CACNA1A: variants seen among roughly 807,000 people sequenced by gnomAD.
CACNA1A encodes calcium voltage-gated channel subunit alpha1 A.
In CACNA1A, 57 loss-of-function variants were observed where a neutral mutation model predicts 262.4. The ratio of observed to expected loss-of-function variants is 0.22; its 90% CI spans 0.18 to 0.27. The LOEUF (loss-of-function observed/expected upper bound fraction) is 0.27, where lower values mean the gene tolerates loss of function less well. Ranked by LOEUF, CACNA1A falls within the 10% of genes least tolerant of loss-of-function variation. CACNA1A has a pLI of 1.00. For synonymous variants in CACNA1A, 1,431 were observed against 1,419.3 expected (o/e 1.01, Z -0.18); for missense variants, 2,526 against 3,562.8 (o/e 0.71, Z 7.41).
intron 22 of CACNA1A, among the ~76,000 whole-genome samples, chr19:13,282,076 T>C (rs772249991): frequency 2.0e-5 from 3 of 152,224 alleles, no homozygotes; most frequent in African/African-American, 4.8e-5. Flanking sequence ...CTAAGCGGAC[T>C]GTGAGGAGGC....
intron 3 of CACNA1A, among the ~76,000 whole-genome samples, chr19:13,436,058 C>G (rs1268741918): frequency 6.6e-6 from 1 of 152,182 alleles, no homozygotes; most frequent in Non-Finnish European, 1.5e-5. Context: ...CTCCTGACCT[C>G]AAGTGATTCA....
intron 6 of CACNA1A, among the ~76,000 whole-genome samples, chr19:13,352,386 AGAGT>A (rs1262805971): frequency 6.7e-6 from 1 of 148,166 alleles, no homozygotes; most frequent in Non-Finnish European, 1.5e-5. Flanking sequence ...CCTGGGCAAC[AGAGT>A]GAGACTCCAT....
At chr19:13,486,811 C>T (rs896415337) in intron 1 of CACNA1A, among the ~76,000 whole-genome samples, 3 of 151,928 alleles carry the variant, frequency 2.0e-5, no homozygotes, top group East Asian at 1.9e-4. Flanking sequence ...CTTCTCTCCC[C>T]TTCCATCTCT....
intron 34 of CACNA1A, among the ~76,000 whole-genome samples, chr19:13,234,031 CAG>C (rs1372395671): frequency 8.1e-6 from 1 of 123,250 alleles, no homozygotes; most frequent in Non-Finnish European, 1.6e-5. Context: ...GCCTGGGCAA[CAG>C]AGAGAGACTC....
At chr19:13,302,487 G>A (rs751933462) in intron 17 of CACNA1A, among the ~76,000 whole-genome samples, 2 of 152,168 alleles carry the variant, frequency 1.3e-5, no homozygotes, top group African/African-American at 4.8e-5. Context: ...GTTTCCATGA[G>A]GACTGAATAG....
intron 24 of CACNA1A, 162 bp from the exon 25 acceptor site, chr19:13,262,995 C>A: frequency 3.2e-6 from 2 of 628,704 alleles, no homozygotes; most frequent in Non-Finnish European, 5.8e-6. Flanking sequence ...TGGTCCATTT[C>A]ACCTGTTAAG....
chr19:13,447,519 T>C (rs527400848), intron 3 of CACNA1A, among the ~76,000 whole-genome samples: 29 of 152,314 alleles, frequency 1.9e-4, no homozygotes, highest in African/African-American at 7.0e-4. Context: ...GATAGATGTA[T>C]ATATGAAAGG....
At chr19:13,503,627 A>T (rs1982651019) in intron 1 of CACNA1A, among the ~76,000 whole-genome samples, 6 of 132,896 alleles carry the variant, frequency 4.5e-5, no homozygotes, top group East Asian at 2.5e-4. Context: ...CTCATCTCCA[A>T]CCCTCCCACC....
chr19:13,481,760 G>A (rs1979347532), intron 1 of CACNA1A, among the ~76,000 whole-genome samples: 1 of 151,914 alleles, frequency 6.6e-6, no homozygotes, highest in Non-Finnish European at 1.5e-5. Context: ...CTGCCCCTGG[G>A]ACCCAAGTCC....
At chr19:13,273,615 T>C (rs1374936041) in intron 24 of CACNA1A, 2 of 152,090 alleles carry the variant, frequency 1.3e-5, no homozygotes, top group Non-Finnish European at 2.9e-5. Context: ...ATTAATTATT[T>C]ATTTATTTAC....
intron 30 of CACNA1A, among the ~76,000 whole-genome samples, chr19:13,250,460 G>GCA (rs2056367133): frequency 1.3e-5 from 2 of 150,442 alleles, no homozygotes; most frequent in African/African-American, 4.9e-5. Flanking sequence ...GCAGTGGCAA[G>GCA]ATCTCGGCTC....
At chr19:13,334,683 G>T (rs528662542) in intron 7 of CACNA1A, among the ~76,000 whole-genome samples, 190 bp from the exon 8 acceptor site, 28 of 151,710 alleles carry the variant, frequency 1.8e-4, no homozygotes, top group African/African-American at 6.8e-4. Flanking sequence ...AAAAGACTGG[G>T]ATATTATAGT....
intron 10 of CACNA1A, among the ~76,000 whole-genome samples, chr19:13,322,833 A>G (rs1356078504): frequency 1.3e-5 from 2 of 152,144 alleles, no homozygotes; most frequent in African/African-American, 4.8e-5. Context: ...TAAAGACAGC[A>G]GTCATTGGAT....
intron 38 of CACNA1A, among the ~76,000 whole-genome samples, chr19:13,215,886 C>T (rs1255534625): frequency 6.6e-6 from 1 of 151,984 alleles, no homozygotes; most frequent in Non-Finnish European, 1.5e-5. Context: ...GCTGGGACGC[C>T]CTGGAGCATC....
At chr19:13,279,084 T>C (rs1037764530) in intron 22 of CACNA1A, among the ~76,000 whole-genome samples, 1 of 152,006 alleles carries the variant, frequency 6.6e-6, no homozygotes, top group African/African-American at 2.4e-5. Context: ...TGGCACATAG[T>C]AGTTGCTTAT....
At chr19:13,259,908 G>A (rs2056684706) in intron 26 of CACNA1A, 3 of 563,438 alleles carry the variant, frequency 5.3e-6, no homozygotes, top group Non-Finnish European at 9.6e-6. Context: ...AAATCCATGG[G>A]TGATGGCACA....
intron 7 of CACNA1A, 25 bp from the exon 8 acceptor site, chr19:13,334,518 G>C: frequency 7.9e-7 from 1 of 1,258,126 alleles, no homozygotes; most frequent in Non-Finnish European, 1.2e-6. Flanking sequence ...AAAAGCCAGA[G>C]TATGGCTGTT....
At chr19:13,471,884 C>G (rs1370059996) in intron 1 of CACNA1A, among the ~76,000 whole-genome samples, 1 of 152,152 alleles carries the variant, frequency 6.6e-6, no homozygotes, top group East Asian at 1.9e-4. Context: ...GGAGGTTGTA[C>G]AATATTGTGA....
chr19:13,435,889 G>A (rs2060604175), intron 3 of CACNA1A, among the ~76,000 whole-genome samples: 1 of 152,024 alleles, frequency 6.6e-6, no homozygotes, highest in African/African-American at 2.4e-5. Context: ...CAGTGGCGCA[G>A]ACTCAGCTCA....
Sources: allele counts gnomAD v4.1 joint callset (sites outside exome capture counted in the v4.1 genomes callset), GRCh38; gene constraint gnomAD v4.1.1; transcripts MANE v1.5; gene names NCBI Gene and HGNC (gene_info 2026-07-23, HGNC 2026-07-21).